Variants in PLXDC1 observed in about 807,000 individuals in gnomAD.
PLXDC1 encodes plexin domain containing 1.
In PLXDC1, 39 loss-of-function variants were observed where a neutral mutation model predicts 61.3. The observed-to-expected ratio is 0.64, with a 90% CI of 0.49 to 0.83. The LOEUF (loss-of-function observed/expected upper bound fraction) is 0.83. PLXDC1 is among the 40% of genes least tolerant of loss of function. The pLI, the probability that PLXDC1 is intolerant of heterozygous loss-of-function variation, is 0.00. For missense variants in PLXDC1, 596 were observed against 666.5 expected, an observed-to-expected ratio of 0.89 and a Z score of 1.17; for synonymous variants, 212 against 254.5, an observed-to-expected ratio of 0.83 and a Z score of 1.59.
chr17:39,107,928 T>A, intron 5 of PLXDC1, 195 bp downstream of exon 5: 1 of 647,360 alleles, frequency 1.5e-6, no homozygotes. Context: ...CGTTTTGTTA[T>A]CTCATCAGAT....
chr17:39,130,626 G>A (rs959209584), intron 2 of PLXDC1, among the ~76,000 whole-genome samples: 12 of 151,858 alleles, frequency 7.9e-5, no homozygotes, highest in South Asian at 2.1e-4. Flanking sequence ...GTGCAGTGGC[G>A]TGATCCCAGC....
intron 2 of PLXDC1, among the ~76,000 whole-genome samples, chr17:39,119,610 A>G (rs1166936179): frequency 1.3e-5 from 2 of 152,016 alleles, no homozygotes; most frequent in Non-Finnish European, 2.9e-5. Context: ...GCCAGGGGTG[A>G]TGGCGTGCTC....
At chr17:39,123,737 C>T (rs1211807175) in intron 2 of PLXDC1, among the ~76,000 whole-genome samples, 3 of 152,134 alleles carry the variant, frequency 2.0e-5, no homozygotes, top group South Asian at 2.1e-4. Context: ...CCCAGAGGCC[C>T]GACAGGCACT....
At position 39,079,121 on chromosome 17, in the gene PLXDC1, A is replaced by T; in HGVS notation, c.1033T>A (p.Tyr345Asn). 1 of 1,613,834 alleles carries T rather than the reference A, an allele frequency of 6.2e-7. No individual in the cohort carries two copies. The highest frequency in any genetic ancestry group is 8.5e-7 in the Non-Finnish European group (1 of 1,179,774). ...CTTCTCACCTCCTGTGCACAGCCAT[A>T]GTCCATCCACTCCTGGCGATAGCGG... ...FDRYRQEWMD[Y>N]GCAQEAEGRM... is the part of the protein sequence containing the mutation. Residue 345 changes from tyrosine (Y) to asparagine (N), a missense_variant, in exon 10 of 14, where the codon TAT becomes AAT. Coordinates refer to ENST00000315392, the MANE Select transcript of PLXDC1 (RefSeq NM_020405.5).
intron 2 of PLXDC1, among the ~76,000 whole-genome samples, chr17:39,137,772 G>A (rs143173597): frequency 3.3e-5 from 5 of 152,006 alleles, no homozygotes; most frequent in African/African-American, 9.7e-5. Flanking sequence ...ATCCAACACA[G>A]GAGGGAGACA....
chr17:39,083,771 A>G (rs560037423), intron 8 of PLXDC1, among the ~76,000 whole-genome samples: 8 of 151,998 alleles, frequency 5.3e-5, no homozygotes, highest in Non-Finnish European at 7.4e-5. Context: ...TGACCTGATC[A>G]TGGCTCACTA....
At chr17:39,141,967 A>G (rs1264244379) in intron 1 of PLXDC1, among the ~76,000 whole-genome samples, 2 of 152,132 alleles carry the variant, frequency 1.3e-5, no homozygotes, top group Non-Finnish European at 2.9e-5. Context: ...CTTTGGAGAA[A>G]TGTCTATTTA....
rs553754103 is a variant in PLXDC1 at position 39,096,417 on chromosome 17, C to G, written c.812-8715G>C. Among the ~76,000 whole-genome samples, 38 of 152,326 alleles carry G rather than the reference C, an allele frequency of 2.5e-4. 1 individual carries two copies. The highest frequency in any genetic ancestry group is 1.2e-3 in the Admixed American group (19 of 15,304). The stretch of plus-strand genomic sequence containing the variant: ...TCCAACGAAGGGCACTTTAAAGGAT[C>G]CTTTATCAGAAAAGGCAAAATTGGC... On this transcript the variant is annotated intron_variant, in intron 7 of 13. Coordinates refer to ENST00000315392, the MANE Select transcript of PLXDC1 (RefSeq NM_020405.5).
intron 7 of PLXDC1, among the ~76,000 whole-genome samples, chr17:39,094,557 C>T (rs571556575): frequency 1.6e-4 from 24 of 152,128 alleles, no homozygotes; most frequent in Non-Finnish European, 2.6e-4. Flanking sequence ...CCCATTACAT[C>T]GCTTGGTCAA....
chr17:39,127,763 G>A (rs1051394017), intron 2 of PLXDC1, among the ~76,000 whole-genome samples: 1 of 151,590 alleles, frequency 6.6e-6, no homozygotes, highest in African/African-American at 2.4e-5. Context: ...AGACCATCCT[G>A]GCTAACACAG....
At chr17:39,082,601 G>A (rs1909604636) in intron 9 of PLXDC1, among the ~76,000 whole-genome samples, 1 of 150,992 alleles carries the variant, frequency 6.6e-6, no homozygotes, top group Non-Finnish European at 1.5e-5. Context: ...CATTGGAAAG[G>A]AGCAGCACGA....
chr17:39,121,839 G>A lies in PLXDC1; in HGVS notation c.256-12448C>T, dbSNP rs113984124. Among the ~76,000 whole-genome samples the A allele has an allele frequency of 1.1e-4, 17 of 152,258 alleles. No individual in the cohort carries two copies. In the East Asian group the frequency reaches 1.2e-3, roughly 10 times the overall value. ...GTAATAAGAATGGGTGACCGGGTCC[G>A]GAGGCTCACCCCTTTGGGAGGCTGA... On this transcript the variant is annotated intron_variant, in intron 2 of 13. Transcript: ENST00000315392.
intron 1 of PLXDC1, among the ~76,000 whole-genome samples, chr17:39,144,346 A>T (rs1461754767): frequency 6.6e-6 from 1 of 152,214 alleles, no homozygotes; most frequent in Non-Finnish European, 1.5e-5. Flanking sequence ...GGTTTTATAG[A>T]GAGCTCAGGC....
At chr17:39,083,412 C>A in intron 9 of PLXDC1, 47 bp downstream of exon 9, 1 of 1,490,702 alleles carries the variant, frequency 6.7e-7, no homozygotes, top group East Asian at 2.3e-5. Flanking sequence ...CCCTCTTCCC[C>A]TCCACAGTCG....
chr17:39,151,614 C>T lies in PLXDC1; in HGVS notation c.-177G>A. The T allele has an allele frequency of 9.4e-7, 1 of 1,069,410 alleles. No individual in the cohort carries two copies. The highest frequency in any genetic ancestry group is 1.1e-6 in the Non-Finnish European group (1 of 883,708). 66.2% of individuals were successfully genotyped at this position (1,069,410 alleles called of 1,614,324 possible). On this transcript the variant is annotated 5_prime_UTR_variant, in exon 1 of 14. Transcript: ENST00000315392. The surrounding 1 kb of genome is among the most constrained non-coding windows in gnomAD (Gnocchi z 5.2). ...AGGAGCGGCGAGAGCGCGAGCGGAG[C>T]TGGAGGCTGCGGCCTCCGGGAGCAG... is the stretch of plus-strand genomic sequence containing the variant.
At chr17:39,087,732 A>C in intron 7 of PLXDC1, 30 bp from the exon 8 acceptor site, 1 of 1,534,302 alleles carries the variant, frequency 6.5e-7, no homozygotes, top group Non-Finnish European at 9.0e-7. Flanking sequence ...TGTTGTCAGG[A>C]GCATATCACA....
At chr17:39,133,835 C>T (rs761096289) in intron 2 of PLXDC1, among the ~76,000 whole-genome samples, 2 of 152,106 alleles carry the variant, frequency 1.3e-5, no homozygotes, top group Admixed American at 1.3e-4. Flanking sequence ...CTGTGTTGCC[C>T]AGGCTGGTCT....
intron 7 of PLXDC1, 134 bp downstream of exon 7, chr17:39,105,720 T>C: frequency 1.6e-6 from 1 of 639,132 alleles, no homozygotes; most frequent in Admixed American, 2.6e-5. Flanking sequence ...TGGGCATCCT[T>C]TCCTGCCTGG....
intron 13 of PLXDC1, among the ~76,000 whole-genome samples, chr17:39,068,162 G>A (rs1205679574): frequency 6.6e-6 from 1 of 152,226 alleles, no homozygotes; most frequent in African/African-American, 2.4e-5. Context: ...TGGGAAACCT[G>A]CCGAAAGCTA....
Sources: allele counts gnomAD v4.1 joint callset (sites outside exome capture counted in the v4.1 genomes callset), GRCh38; gene constraint gnomAD v4.1.1; non-coding constraint Gnocchi (gnomAD v3.1); transcripts MANE v1.5; gene names NCBI Gene and HGNC (gene_info 2026-07-23, HGNC 2026-07-21).